Variants in GP6 observed in about 807,000 individuals in gnomAD.
GP6 encodes the protein glycoprotein VI platelet.
A neutral mutation model predicts 37.3 loss-of-function variants in GP6; 45 were observed. The observed-to-expected ratio is 1.21, with a 90% confidence interval of 0.95 to 1.55. The LOEUF (loss-of-function observed/expected upper bound fraction) is 1.55, where lower values mean the gene tolerates loss of function less well. Ranked by LOEUF, GP6 falls within the 40% of genes most tolerant of loss-of-function variation. GP6 has a pLI of 0.00. For synonymous variants in GP6, 340 were observed against 316.4 expected (o/e 1.07, Z -0.79); for missense variants, 813 against 760.2 (o/e 1.07, Z -0.82).
At chr19:55,031,503 C>G (rs532875988) in intron 3 of GP6, among the ~76,000 whole-genome samples, 1 of 152,290 alleles carries the variant, frequency 6.6e-6, no homozygotes, top group African/African-American at 2.4e-5. Flanking sequence ...TTCGTTTTGG[C>G]ACAGACTCTG....
chr19:55,030,502 C>G (rs984347090), intron 3 of GP6, among the ~76,000 whole-genome samples: 2 of 151,326 alleles, frequency 1.3e-5, no homozygotes, highest in Non-Finnish European at 2.9e-5. Context: ...CCGCGCCCAG[C>G]TAATTATTAT....
rs368961812 is a variant in GP6 at position 55,014,456 on chromosome 19, G to A, written c.1489C>T (p.His497Tyr). The A allele has an allele frequency of 6.2e-7, 1 of 1,613,506 alleles. No homozygotes were observed. Among genetic ancestry groups the A allele is most frequent in the Non-Finnish European group, 8.5e-7 (1 of 1,179,394 alleles). ...GAAAGGAGATTTGTTAGACCGCAGT[G>A]GGAGATGGAGTGAGGGTGAGAGTTT... is the stretch of plus-strand genomic sequence containing the variant. The change falls in exon 8 of 8, where the codon CAC becomes TAC. Residue 497 changes from histidine (H) to tyrosine (Y), a missense_variant. Physicochemically the swap from His to Tyr is moderately conservative, Grantham distance 83. Coordinates refer to ENST00000310373, the MANE Select transcript of GP6 (RefSeq NM_001083899.2).
At chr19:55,031,710 G>T (rs1253801363) in intron 3 of GP6, among the ~76,000 whole-genome samples, 1 of 152,162 alleles carries the variant, frequency 6.6e-6, no homozygotes, top group Non-Finnish European at 1.5e-5. Context: ...TGAGCCCACA[G>T]GAGTTCGAGA....
intron 7 of GP6, 144 bp from the exon 8 acceptor site, chr19:55,015,309 C>T: frequency 1.5e-6 from 2 of 1,333,786 alleles, no homozygotes; most frequent in South Asian, 1.3e-5. Flanking sequence ...CCCTCCCTTC[C>T]CGAGTAGGGG....
intron 1 of GP6, among the ~76,000 whole-genome samples, chr19:55,037,387 G>GCACACC (rs1568656840): frequency 1.3e-5 from 2 of 149,644 alleles, no homozygotes; most frequent in Non-Finnish European, 2.9e-5. Flanking sequence ...GCCCAGGCCA[G>GCACACC]AGTGCAATGG....
At chr19:55,022,426 G>T (rs1049349190) in intron 5 of GP6, among the ~76,000 whole-genome samples, 5 of 152,086 alleles carry the variant, frequency 3.3e-5, no homozygotes, top group African/African-American at 1.2e-4. Flanking sequence ...TACTAAATGG[G>T]CATTTCCCTT....
At chr19:55,020,722 T>A (rs959008491) in intron 5 of GP6, among the ~76,000 whole-genome samples, 3 of 152,110 alleles carry the variant, frequency 2.0e-5, no homozygotes, top group Non-Finnish European at 4.4e-5. Flanking sequence ...TTATATTCCT[T>A]TGGGTATATA....
Position 55,014,567 on chromosome 19 carries a change from G to C in GP6, c.1378C>G (p.Leu460Val). 1 of 1,613,358 alleles carries C rather than the reference G, an allele frequency of 6.2e-7. No individual in the cohort carries two copies. Among genetic ancestry groups the C allele is most frequent in the East Asian group, 2.2e-5 (1 of 44,874 alleles). The change falls in exon 8 of 8, where the codon CTC becomes GTC. Residue 460 changes from leucine to valine, a missense_variant. Leu to Val is a conservative substitution (Grantham distance 32, BLOSUM62 1). Coordinates refer to ENST00000310373, the MANE Select transcript of GP6 (RefSeq NM_001083899.2). The stretch of plus-strand genomic sequence containing the variant: ...GAGGATGGAACAGAGTCAACCCTGA[G>C]AGCTGGGAACCTTAGAGATCCGTCT...
chr19:55,023,039 A>G (rs889460568), intron 5 of GP6, among the ~76,000 whole-genome samples: 2 of 152,204 alleles, frequency 1.3e-5, no homozygotes, highest in African/African-American at 4.8e-5. Flanking sequence ...AAAAGGGCCC[A>G]TATAGCCAAG....
rs568262483 is a variant in GP6 at position 55,017,028 on chromosome 19, G to A, written c.725-1295C>T. On this transcript the variant is annotated intron_variant, in intron 6 of 7. Coordinates refer to ENST00000310373, the MANE Select transcript of GP6 (RefSeq NM_001083899.2). ...CACAGAGTGAGCAGAGTGAGACTCC[G>A]TCTCAAAAACAACAACAAAAAACAA... Among the ~76,000 whole-genome samples the A allele has an allele frequency of 4.6e-5, 7 of 151,942 alleles. No individual in the cohort carries two copies. In the South Asian group the frequency reaches 8.3e-4, roughly 18 times the overall value.
intron 5 of GP6, among the ~76,000 whole-genome samples, chr19:55,019,570 A>G (rs1050983757): frequency 5.3e-5 from 8 of 152,190 alleles, no homozygotes; most frequent in South Asian, 2.1e-4. Context: ...CTCAGTTTGA[A>G]TAATAAGATG....
intron 4 of GP6, 75 bp from the exon 5 acceptor site, chr19:55,025,346 G>C: frequency 1.1e-6 from 1 of 919,492 alleles, no homozygotes. Flanking sequence ...ACATCTCCGT[G>C]ACTGAGTTTC....
chr19:55,015,738 GA>G lies in GP6; in HGVS notation c.725-6del. ...CGGTGATACTCCTAGAAGTCTCTGG[GA>G]ACCAAACAAAGGCTAAGTGTGAAAT... On this transcript the variant is annotated splice_region_variant and splice_polypyrimidine_tract_variant and intron_variant, in intron 6 of 7. Transcript: ENST00000310373. The G allele has an allele frequency of 6.5e-7, 1 of 1,526,932 alleles. No individual in the cohort carries two copies. Among genetic ancestry groups the G allele is most frequent in the Non-Finnish European group, 9.1e-7 (1 of 1,099,812 alleles). The allele number at this position is 1,526,932 out of a possible 1,614,324, so 94.6% of individuals were successfully genotyped here.
At chr19:55,016,375 CTTT>C (rs35960763) in intron 6 of GP6, among the ~76,000 whole-genome samples, 5 of 108,720 alleles carry the variant, frequency 4.6e-5, no homozygotes, top group South Asian at 2.9e-4. Flanking sequence ...TACGTGCCAG[CTTT>C]TTTTTTTTTT....
chr19:55,015,369 C>T (rs1301581139), intron 7 of GP6, among the ~76,000 whole-genome samples: 1 of 152,206 alleles, frequency 6.6e-6, no homozygotes, highest in African/African-American at 2.4e-5. Flanking sequence ...CCCTCCTGTG[C>T]TCTCACAGGG....
At position 55,015,157 on chromosome 19, in the gene GP6, G is replaced by A. The variant is rs540599440; in HGVS notation, c.788C>T (p.Pro263Leu). 1.1e-4 allele frequency: 164 copies of A among 1,560,214 alleles called. No homozygotes were observed. In the African/African-American group the frequency reaches 1.1e-3, roughly 10 times the overall value. Residue 263 changes from proline to leucine, a missense_variant, in exon 8 of 8, where the codon CCG (proline) becomes CTG (leucine). Coordinates refer to ENST00000310373, the MANE Select transcript of GP6 (RefSeq NM_001083899.2). ...AGGTTGCCCTTGGTGTAGTACTGGC[G>A]GGCAGGACCTGGAGGAATGAGGAGA...
At chr19:55,030,947 C>G (rs563750747) in intron 3 of GP6, among the ~76,000 whole-genome samples, 29 of 151,622 alleles carry the variant, frequency 1.9e-4, no homozygotes, top group African/African-American at 6.8e-4. Context: ...CTCCCTGGCT[C>G]AAGCGATCCT....
intron 5 of GP6, among the ~76,000 whole-genome samples, chr19:55,024,291 T>TGCACGCACACAC (rs879694712): frequency 4.5e-4 from 51 of 113,468 alleles, no homozygotes; most frequent in South Asian, 3.4e-3. Flanking sequence ...CACACACATA[T>TGCACGCACACAC]GCACGCATGC....
chr19:55,018,773 ATTCCCCTT>A, intron 5 of GP6, 62 bp from the exon 6 acceptor site: 1 of 1,099,158 alleles, frequency 9.1e-7, no homozygotes, highest in Non-Finnish European at 1.4e-6. Context: ...AGATATCTCC[ATTCCCCTT>A]TTGAGATATC....
Sources: gnomAD v4.1 joint callset for allele counts (sites outside exome capture counted in the v4.1 genomes callset) on GRCh38, gnomAD v4.1.1 for gene constraint, MANE v1.5 for transcripts, NCBI Gene and HGNC (gene_info 2026-07-23, HGNC 2026-07-21) for gene names.